CDH18: variants seen among roughly 807,000 people sequenced by gnomAD.
CDH18 encodes cadherin-18.
Under a neutral mutation model 67.9 loss-of-function variants are expected in CDH18, and 31 were observed. The ratio of observed to expected loss-of-function variants is 0.46; its 90% CI spans 0.34 to 0.62. The LOEUF is 0.62. CDH18 is among the 20% of genes least tolerant of loss of function. The pLI is 0.01. For missense variants in CDH18, 890 were observed against 975.5 expected, an observed-to-expected ratio of 0.91 and a Z score of 1.17; for synonymous variants, 362 against 347.2, an observed-to-expected ratio of 1.04 and a Z score of -0.48.
intron 5 of CDH18, among the ~76,000 whole-genome samples, chr5:19,652,364 T>C (rs114565772): frequency 0.013 from 1,982 of 152,082 alleles, 37 homozygotes; most frequent in African/African-American, 0.045. Context: ...GCTAAGGAAG[T>C]CACTAGGAGA....
chr5:19,959,847 C>T (rs114604808), intron 2 of CDH18, among the ~76,000 whole-genome samples: 1,857 of 152,170 alleles, frequency 0.012, 64 homozygotes, highest in African/African-American at 0.043. Flanking sequence ...ATGATATAGC[C>T]TATTGCTCCT....
intron 2 of CDH18, among the ~76,000 whole-genome samples, chr5:19,918,593 T>C (rs1579588848): frequency 6.6e-6 from 1 of 152,294 alleles, no homozygotes; most frequent in South Asian, 2.1e-4. Context: ...AGTGGCACTA[T>C]GTCCTTCAAC....
intron 3 of CDH18, among the ~76,000 whole-genome samples, chr5:19,828,786 C>T (rs1166405573): frequency 1.3e-5 from 2 of 152,150 alleles, no homozygotes; most frequent in East Asian, 3.9e-4. Context: ...CCTGTAACCC[C>T]AGTACTTTGG....
Position 20,524,704 on chromosome 5 carries a change from T to C in CDH18, c.-580+50758A>G, listed in dbSNP as rs1581150401. ...GATTTAAAATCACTTGGCAGCTAGA[T>C]ACTAGGTGTAGAAATAGGTATTGTT... is the stretch of plus-strand genomic sequence containing the variant. On this transcript the variant is annotated intron_variant, in intron 1 of 14. Transcript: ENST00000507958. 2.6e-5 allele frequency among the ~76,000 whole-genome samples: 4 copies of C among 152,188 alleles called. No individual in the cohort carries two copies. In the South Asian group the frequency reaches 8.3e-4, roughly 31 times the overall value.
intron 1 of CDH18, among the ~76,000 whole-genome samples, chr5:20,511,264 AAAGTATAGAAAGTACT>A (rs1197166664): frequency 2.6e-5 from 4 of 152,226 alleles, no homozygotes; most frequent in African/African-American, 9.6e-5. Flanking sequence ...AGATATTTCA[AAAGTATAGAAAGTACT>A]AAGTATAGAA....
rs75004126 is a variant in CDH18, at chr5:20,298,528, C to T, written c.-579-43023G>A. 5.3e-3 allele frequency among the ~76,000 whole-genome samples: 814 copies of T among 152,174 alleles called. 29 individuals carry two copies. In the East Asian group the frequency reaches 0.092, roughly 17 times the overall value. On this transcript the variant is annotated intron_variant, in intron 1 of 14. Coordinates refer to the CDH18 transcript ENST00000507958. ...CATTGAGAATAATATAAAGATATTG[C>T]ATCTCAAATTTAAAAGACAAAATGG...
intron 2 of CDH18, among the ~76,000 whole-genome samples, chr5:20,247,720 C>T (rs192690030): frequency 1.0e-3 from 153 of 150,340 alleles, no homozygotes; most frequent in African/African-American, 3.6e-3. Flanking sequence ...GCAGAGATCA[C>T]GCCACTGCAC....
In CDH18 at chr5:19,591,197, C is replaced by A; in HGVS notation, c.859G>T (p.Val287Phe). Residue 287 changes from valine (V) to phenylalanine (F), a missense_variant, in exon 7 of 13, where the codon GTT becomes TTT. Physicochemically the swap from Val to Phe is conservative, Grantham distance 50. Transcript: ENST00000382275. ...GCATCATTTGCCTTGATTTTCCCAA[C>A]AGCTGAACCAACTTGAGCTGACTCA... ...VPESAQVGSA[V>F]GKIKANDADT... 6.2e-7 allele frequency: 1 copy of A among 1,612,430 alleles called. No individual in the cohort carries two copies. Among genetic ancestry groups the A allele is most frequent in the Non-Finnish European group, 8.5e-7 (1 of 1,179,080 alleles).
intron 3 of CDH18, among the ~76,000 whole-genome samples, chr5:19,808,324 A>C (rs530186307): frequency 0.019 from 2,821 of 151,516 alleles, 43 homozygotes; most frequent in Non-Finnish European, 0.027. Flanking sequence ...ACAACAAAAA[A>C]AAAACAAAAA....
intron 1 of CDH18, among the ~76,000 whole-genome samples, chr5:20,518,508 A>T (rs1755516699): frequency 6.6e-6 from 1 of 152,162 alleles, no homozygotes; most frequent in South Asian, 2.1e-4. Flanking sequence ...CAGAAAAATT[A>T]TGGATCCTGT....
chr5:20,431,596 C>A (rs1036664918), intron 1 of CDH18, among the ~76,000 whole-genome samples: 2 of 151,904 alleles, frequency 1.3e-5, no homozygotes, highest in Admixed American at 6.6e-5. Flanking sequence ...AGGAATCTTC[C>A]ATCAGACCAT....
At chr5:19,769,713 G>A (rs1048208113) in intron 3 of CDH18, among the ~76,000 whole-genome samples, 14 of 151,994 alleles carry the variant, frequency 9.2e-5, no homozygotes, top group African/African-American at 2.9e-4. Context: ...TAACTATGAT[G>A]TCAAAAGCAT....
chr5:19,530,869 T>C (rs1748491286), intron 9 of CDH18, among the ~76,000 whole-genome samples: 1 of 140,034 alleles, frequency 7.1e-6, no homozygotes, highest in Admixed American at 7.2e-5. Context: ...GTCTTTGCTG[T>C]TGTGAATAGT....
At chr5:20,028,140 A>G (rs1739077675) in intron 2 of CDH18, among the ~76,000 whole-genome samples, 2 of 151,690 alleles carry the variant, frequency 1.3e-5, no homozygotes, top group African/African-American at 4.8e-5. Flanking sequence ...GGTGTTTGTC[A>G]TTACTTTTAA....
intron 4 of CDH18, among the ~76,000 whole-genome samples, chr5:19,728,155 A>G (rs1318281621): frequency 1.3e-5 from 2 of 152,190 alleles, no homozygotes; most frequent in African/African-American, 2.4e-5. Context: ...GGGAATTATT[A>G]TATAGATTTG....
intron 2 of CDH18, among the ~76,000 whole-genome samples, chr5:20,064,773 G>T (rs948306829): frequency 1.3e-5 from 2 of 152,060 alleles, no homozygotes; most frequent in Admixed American, 6.6e-5. Context: ...CTTCAGTGAA[G>T]ACACTGAACA....
intron 8 of CDH18, among the ~76,000 whole-genome samples, chr5:19,564,606 A>C (rs1740032813): frequency 6.6e-6 from 1 of 152,056 alleles, no homozygotes; most frequent in Admixed American, 6.6e-5. Context: ...TGAGAATGAG[A>C]CTCAGGTGTA....
At chr5:20,155,870 G>T (rs780203530) in intron 2 of CDH18, among the ~76,000 whole-genome samples, 31 of 152,216 alleles carry the variant, frequency 2.0e-4, no homozygotes, top group Admixed American at 4.6e-4. Flanking sequence ...TTTTGTCAAA[G>T]ATCCGTTGGT....
At chr5:20,333,377 C>T (rs1054882404) in intron 1 of CDH18, among the ~76,000 whole-genome samples, 3 of 151,438 alleles carry the variant, frequency 2.0e-5, no homozygotes, top group African/African-American at 7.3e-5. Context: ...CATGGTGGCG[C>T]GTGCCTGTAA....
Sources: allele counts gnomAD v4.1 joint callset (sites outside exome capture counted in the v4.1 genomes callset), GRCh38; gene constraint gnomAD v4.1.1; transcripts MANE v1.5; gene names NCBI Gene and HGNC (gene_info 2026-07-23, HGNC 2026-07-21).